AGPAT4: variants seen among roughly 807,000 people sequenced by gnomAD.
The protein encoded by AGPAT4 is 1-acyl-sn-glycerol-3-phosphate acyltransferase delta.
AGPAT4 carries 15 observed loss-of-function variants against 48.0 expected under a neutral mutation model. That is an observed-to-expected ratio of 0.31 (90% CI 0.21 to 0.48). The LOEUF is 0.48. Among genes scored for constraint, AGPAT4 ranks in the 20% least tolerant of loss-of-function variants. AGPAT4 has a pLI of 0.99. For missense variants in AGPAT4, 314 were observed against 482.5 expected, an observed-to-expected ratio of 0.65 and a Z score of 3.27; for synonymous variants, 178 against 198.7, an observed-to-expected ratio of 0.90 and a Z score of 0.88.
chr6:161,195,861 G>A lies in AGPAT4; in HGVS notation c.179-29444C>T. ...GGCCAGCAGGCAGGCTGATTGTCTA[G>A]CGTTGGCATTAGGGCAAGTCTTGAA... On this transcript the variant is annotated intron_variant, in intron 2 of 8. Transcript: ENST00000320285. The surrounding 1 kb of genome is among the most constrained non-coding windows in gnomAD (Gnocchi z 5.0). 6.6e-6 allele frequency among the ~76,000 whole-genome samples: 1 copy of A among 152,204 alleles called. No homozygotes were observed. Among genetic ancestry groups the A allele is most frequent in the East Asian group, 1.9e-4 (1 of 5,200 alleles).
At position 161,164,559 on chromosome 6, in the gene AGPAT4, A is replaced by G. The variant is rs1296914629; in HGVS notation, c.348+1689T>C. On this transcript the variant is annotated intron_variant, in intron 3 of 8. Transcript: ENST00000320285. This position sits in a 1 kb window ranked among gnomAD's most constrained non-coding sequence, Gnocchi z 7.4. ...CAGGGCCCCTGCTTTTGTGCCCCCA[A>G]CATCTTCCAGGGGAAAGAGCAGAAG... Among the ~76,000 whole-genome samples, 1 of 152,226 alleles carries G rather than the reference A, an allele frequency of 6.6e-6. No homozygotes were observed. The highest frequency in any genetic ancestry group is 1.5e-5 in the Non-Finnish European group (1 of 68,040).
chr6:161,192,556 CT>C (rs1780956356), intron 2 of AGPAT4, among the ~76,000 whole-genome samples: 1 of 152,174 alleles, frequency 6.6e-6, no homozygotes, highest in Admixed American at 6.5e-5. Flanking sequence ...CTCCACAAGA[CT>C]TTATCATTGT....
rs1176884519 is a variant in AGPAT4, at chr6:161,189,302, G to A, written c.179-22885C>T. On this transcript the variant is annotated intron_variant, in intron 2 of 8. Transcript: ENST00000320285. This position sits in a 1 kb window ranked among gnomAD's most constrained non-coding sequence, Gnocchi z 5.3. Reference sequence around the variant, plus strand: ...TGGCTCTTGTGGTGAAGTCTAATGAGTGTGCCAAGACCAGCAGGGTGCCCT... The same window carrying A: ...TGGCTCTTGTGGTGAAGTCTAATGAATGTGCCAAGACCAGCAGGGTGCCCT... 6.6e-6 allele frequency among the ~76,000 whole-genome samples: 1 copy of A among 152,156 alleles called. No individual in the cohort carries two copies. The highest frequency in any genetic ancestry group is 2.4e-5 in the African/African-American group (1 of 41,430).
In AGPAT4 at chr6:161,220,722, C is replaced by T. The variant is rs73017414; in HGVS notation, c.178+11314G>A. On this transcript the variant is annotated intron_variant, in intron 2 of 8. Coordinates refer to ENST00000320285, the MANE Select transcript of AGPAT4 (RefSeq NM_020133.3). This position sits in a 1 kb window ranked among gnomAD's most constrained non-coding sequence, Gnocchi z 6.0. ...GGACAGTTTCATTCTATCTTTCCTA[C>T]GCAGACTGCCCCATTGGTTGTGCAA... Among the ~76,000 whole-genome samples, 2,031 of 152,186 alleles carry T rather than the reference C, an allele frequency of 0.013. 25 individuals carry two copies. The highest frequency in any genetic ancestry group is 0.045 in the South Asian group (218 of 4,810).
In AGPAT4 at chr6:161,267,405, T is replaced by A. The variant is rs551383682; in HGVS notation, c.-90+6533A>T. On this transcript the variant is annotated intron_variant, in intron 1 of 8. Transcript: ENST00000320285. The surrounding 1 kb of genome is among the most constrained non-coding windows in gnomAD (Gnocchi z 5.2). ...CAGAGGTCTACACGGTAGAGATTTG[T>A]TCATTATTTGAAAAATATTAGCTGG... 4.7e-4 allele frequency among the ~76,000 whole-genome samples: 72 copies of A among 152,278 alleles called. No homozygotes were observed. The highest frequency in any genetic ancestry group is 7.6e-4 in the Non-Finnish European group (52 of 68,024).
intron 2 of AGPAT4, among the ~76,000 whole-genome samples, chr6:161,185,314 A>AGGGG (rs1780738513): frequency 1.5e-5 from 2 of 132,750 alleles, no homozygotes; most frequent in African/African-American, 6.3e-5. Context: ...TTCCAAAGAC[A>AGGGG]GGGTCTCACT....
At position 161,232,192 on chromosome 6, in the gene AGPAT4, T is replaced by A; in HGVS notation, c.22A>T (p.Lys8Ter). 1 of 1,614,086 alleles carries A rather than the reference T, an allele frequency of 6.2e-7. No homozygotes were observed. Among genetic ancestry groups the A allele is most frequent in the Non-Finnish European group, 8.5e-7 (1 of 1,180,006 alleles). The change falls in exon 2 of 9, where the codon AAG becomes TAG. Residue 8 changes from lysine (K) to a stop codon, truncating the protein, a stop_gained. Transcript: ENST00000320285. LOFTEE classifies it high-confidence loss of function. The surrounding 1 kb of genome is among the most constrained non-coding windows in gnomAD (Gnocchi z 6.8). The part of the protein sequence containing the change: MDLAGLL[K>*]SQFLCHLVFC... ...ACCAGGTGGCACAGGAACTGAGACT[T>A]CAGCAGTCCCGCGAGGTCCATGATG...
At chr6:161,230,389 G>T (rs972154825) in intron 2 of AGPAT4, among the ~76,000 whole-genome samples, 1 of 152,168 alleles carries the variant, frequency 6.6e-6, no homozygotes, top group African/African-American at 2.4e-5. Context: ...TCACATAAAT[G>T]CAGGTTTCAA....
At position 161,243,299 on chromosome 6, in the gene AGPAT4, C is replaced by T. The variant is rs1213034590; in HGVS notation, c.-89-10997G>A. Among the ~76,000 whole-genome samples, 1 of 152,030 alleles carries T rather than the reference C, an allele frequency of 6.6e-6. No homozygotes were observed. The highest frequency in any genetic ancestry group is 2.4e-5 in the African/African-American group (1 of 41,388). On this transcript the variant is annotated intron_variant, in intron 1 of 8. Coordinates refer to ENST00000320285, the MANE Select transcript of AGPAT4 (RefSeq NM_020133.3). This position sits in a 1 kb window ranked among gnomAD's most constrained non-coding sequence, Gnocchi z 4.8. ...AAATGGCCCAAGACCCGGCCCTGGG[C>T]CGGCAGAAGCAGGCGTGAGGTGGCT...
At chr6:161,192,564 T>C (rs1456405183) in intron 2 of AGPAT4, among the ~76,000 whole-genome samples, 1 of 152,216 alleles carries the variant, frequency 6.6e-6, no homozygotes, top group Non-Finnish European at 1.5e-5. Context: ...GACTTTATCA[T>C]TGTTTATACA....
rs1416086271 is a variant in AGPAT4 at position 161,136,505 on chromosome 6, C to T, written c.*35G>A. The stretch of plus-strand genomic sequence containing the variant: ...AGGATATGCAGAGGCCACCAGTTCC[C>T]CAAGGTTCCCTTCGGATGGTGACAC... On this transcript the variant is annotated 3_prime_UTR_variant, in exon 9 of 9. Coordinates refer to ENST00000320285, the MANE Select transcript of AGPAT4 (RefSeq NM_020133.3). 1 of 1,598,658 alleles carries T rather than the reference C, an allele frequency of 6.3e-7. No individual in the cohort carries two copies. Among genetic ancestry groups the T allele is most frequent in the Non-Finnish European group, 8.6e-7 (1 of 1,166,470 alleles).
intron 1 of AGPAT4, among the ~76,000 whole-genome samples, chr6:161,258,327 C>G (rs932003127): frequency 6.6e-6 from 1 of 152,186 alleles, no homozygotes; most frequent in Non-Finnish European, 1.5e-5. Context: ...CATTTGAAAA[C>G]AAATTTCCTG....
Position 161,139,663 on chromosome 6 carries a change from C to T in AGPAT4, c.844-43G>A, listed in dbSNP as rs769371717. ...GGACCCTCAGACGCCACACGGGGCT[C>T]GGTGGCAGGTCCCTCCCGAGGCCCT... On this transcript the variant is annotated intron_variant, in intron 7 of 8. Transcript: ENST00000320285. This position sits in a 1 kb window ranked among gnomAD's most constrained non-coding sequence, Gnocchi z 9.1. 17 of 1,520,774 alleles carry T rather than the reference C, an allele frequency of 1.1e-5. No individual in the cohort carries two copies. Among genetic ancestry groups the T allele is most frequent in the Middle Eastern group, 1.9e-4 (1 of 5,350 alleles). The allele number at this position is 1,520,774 out of a possible 1,614,324, so 94.2% of individuals were successfully genotyped here.
rs1173152076 is a variant in AGPAT4 at position 161,184,484 on chromosome 6, T to C, written c.179-18067A>G. Among the ~76,000 whole-genome samples, 2 of 151,710 alleles carry C rather than the reference T, an allele frequency of 1.3e-5. No homozygotes were observed. The highest frequency in any genetic ancestry group is 4.9e-5 in the African/African-American group (2 of 41,232). On this transcript the variant is annotated intron_variant, in intron 2 of 8. Transcript: ENST00000320285. This position sits in a 1 kb window ranked among gnomAD's most constrained non-coding sequence, Gnocchi z 4.8. ...GTGATGGAGGAGTCTGGCATTTGGG[T>C]TTGAACACATCAGTCATCCTTGGCT... is the stretch of plus-strand genomic sequence containing the variant.
intron 2 of AGPAT4, among the ~76,000 whole-genome samples, chr6:161,181,901 G>A (rs1008628537): frequency 6.6e-6 from 1 of 152,106 alleles, no homozygotes. Flanking sequence ...GGCGTGGGGT[G>A]GACAAAAATC....
intron 5 of AGPAT4, among the ~76,000 whole-genome samples, chr6:161,152,480 C>T (rs972239867): frequency 1.3e-5 from 2 of 152,194 alleles, no homozygotes; most frequent in South Asian, 2.1e-4. Flanking sequence ...TTCAGAGGTA[C>T]AGATTCACCA....
At position 161,223,963 on chromosome 6, in the gene AGPAT4, G is replaced by A. The variant is rs1330937259; in HGVS notation, c.178+8073C>T. Reference sequence around the variant, plus strand: ...TCATAGAATAAAAAGGCAGAATCAGGAAGTGTTGTTCCTCTTAGCCTGCAC... The same window carrying A: ...TCATAGAATAAAAAGGCAGAATCAGAAAGTGTTGTTCCTCTTAGCCTGCAC... On this transcript the variant is annotated intron_variant, in intron 2 of 8. Transcript: ENST00000320285. The surrounding 1 kb of genome is among the most constrained non-coding windows in gnomAD (Gnocchi z 6.3). Among the ~76,000 whole-genome samples, 1 of 152,204 alleles carries A rather than the reference G, an allele frequency of 6.6e-6. No homozygotes were observed. The highest frequency in any genetic ancestry group is 1.9e-4 in the East Asian group (1 of 5,206).
rs144923841 is a variant in AGPAT4 at position 161,261,560 on chromosome 6, T to C, written c.-90+12378A>G. 1.2e-3 allele frequency among the ~76,000 whole-genome samples: 186 copies of C among 152,328 alleles called. No homozygotes were observed. Among genetic ancestry groups the C allele is most frequent in the East Asian group, 8.1e-3 (42 of 5,180 alleles). On this transcript the variant is annotated intron_variant, in intron 1 of 8. Coordinates refer to ENST00000320285, the MANE Select transcript of AGPAT4 (RefSeq NM_020133.3). This position sits in a 1 kb window ranked among gnomAD's most constrained non-coding sequence, Gnocchi z 5.3. Reference sequence around the variant, plus strand: ...CATGATGGGACCTGTCAGAGGGACGTAGCTGCTACCCTGAGACCGGGTAAG... The same window carrying C: ...CATGATGGGACCTGTCAGAGGGACGCAGCTGCTACCCTGAGACCGGGTAAG...
chr6:161,194,800 G>A (rs1781028511), intron 2 of AGPAT4, among the ~76,000 whole-genome samples: 1 of 151,992 alleles, frequency 6.6e-6, no homozygotes, highest in African/African-American at 2.4e-5. Context: ...AACTTATTTT[G>A]TTCATCTTTA....
Sources: gnomAD v4.1 joint callset for allele counts (sites outside exome capture counted in the v4.1 genomes callset) on GRCh38, gnomAD v4.1.1 for gene constraint, Gnocchi (gnomAD v3.1) non-coding constraint, MANE v1.5 for transcripts, NCBI Gene and HGNC (gene_info 2026-07-23, HGNC 2026-07-21) for gene names.